The following ABLIM2 variants were observed in gnomAD, a reference collection of about 807,000 sequenced individuals.
ABLIM2 encodes actin binding LIM protein family member 2, also known as actin-binding LIM protein 2.
A neutral mutation model predicts 97.7 loss-of-function variants in ABLIM2; 53 were observed. That is an observed-to-expected ratio of 0.54 (90% CI 0.44 to 0.68). The LOEUF is 0.68. Among genes scored for constraint, ABLIM2 ranks in the 30% least tolerant of loss-of-function variants. ABLIM2 has a pLI of 0.00. For missense variants in ABLIM2, 835 were observed against 867.2 expected (o/e 0.96, Z 0.47); for synonymous variants, 361 against 345.8 (o/e 1.04, Z -0.49).
In ABLIM2 at chr4:7,992,546, G is replaced by A. The variant is rs75971568; in HGVS notation, c.1680+320C>T. 0.013 allele frequency among the ~76,000 whole-genome samples: 1,982 copies of A among 152,192 alleles called. 20 individuals are homozygous for A. The highest frequency in any genetic ancestry group is 0.026 in the Admixed American group (395 of 15,304). On this transcript the variant is annotated intron_variant, in intron 17 of 20. Coordinates refer to ENST00000447017, the MANE Select transcript of ABLIM2 (RefSeq NM_001130083.2). The surrounding 1 kb of genome is among the most constrained non-coding windows in gnomAD (Gnocchi z 5.7). Reference sequence around the variant, plus strand: ...CTCTGTGCCATAGGAGGACGAAGACGGTTAGGAGGGGCATCTTGGAGCTGC... The same window carrying A: ...CTCTGTGCCATAGGAGGACGAAGACAGTTAGGAGGGGCATCTTGGAGCTGC...
chr4:8,095,058 T>C lies in ABLIM2; in HGVS notation c.338+2041A>G, dbSNP rs201887588. On this transcript the variant is annotated intron_variant, in intron 3 of 20. Coordinates refer to ENST00000447017, the MANE Select transcript of ABLIM2 (RefSeq NM_001130083.2). The surrounding 1 kb of genome is among the most constrained non-coding windows in gnomAD (Gnocchi z 4.7). ...TTTCCTTCCTTCCTTCTTTCTTTCTTTCTCTTTCTTTCTTTCTCTCTCTCT... is the reference window on the plus strand; with the variant it reads ...TTTCCTTCCTTCCTTCTTTCTTTCTCTCTCTTTCTTTCTTTCTCTCTCTCT... 7.3e-6 allele frequency among the ~76,000 whole-genome samples: 1 copy of C among 136,352 alleles called. No individual in the cohort carries two copies. 89.5% of individuals were successfully genotyped at this position (136,352 alleles called of 152,430 possible).
chr4:8,003,561 CTTTTTTTTT>C lies in ABLIM2; in HGVS notation c.1618+4489_1618+4497del, dbSNP rs796877068. ...ACCACTACGCTCTTCTTCCAGTTTT[CTTTTTTTTT>C]TTTTTTTTTTTTGGAGATGGAGTCT... On this transcript the variant is annotated intron_variant, in intron 16 of 20. Transcript: ENST00000447017. The surrounding 1 kb of genome is among the most constrained non-coding windows in gnomAD (Gnocchi z 4.2). Among the ~76,000 whole-genome samples the C allele has an allele frequency of 8.3e-6, 1 of 120,200 alleles. No homozygotes were observed. The highest frequency in any genetic ancestry group is 3.0e-5 in the African/African-American group (1 of 33,028). 78.9% of individuals were successfully genotyped at this position (120,200 alleles called of 152,430 possible). A position where few individuals can be genotyped will look rare whatever the true frequency, so the allele number is the denominator to read the frequency against.
intron 1 of ABLIM2, among the ~76,000 whole-genome samples, chr4:8,131,882 G>A (rs1001878010): frequency 7.0e-6 from 1 of 142,092 alleles, no homozygotes. Flanking sequence ...ACAGCAGCCC[G>A]CATCCCCTGC....
chr4:8,138,141 A>G (rs948324450), intron 1 of ABLIM2, among the ~76,000 whole-genome samples: 11 of 152,012 alleles, frequency 7.2e-5, no homozygotes, highest in Non-Finnish European at 1.2e-4. Flanking sequence ...AAGGAATGGG[A>G]GTGACAGGGG....
chr4:8,071,971 C>T lies in ABLIM2; in HGVS notation c.675+5657G>A, dbSNP rs4696670. On this transcript the variant is annotated intron_variant, in intron 6 of 20. Transcript: ENST00000447017. This position sits in a 1 kb window ranked among gnomAD's most constrained non-coding sequence, Gnocchi z 6.2. ...GCATCAGGCAGTGCCACCGCGGCGG[C>T]GGCAGCTCCCCTTCTGCGGAGCCAG... is the stretch of plus-strand genomic sequence containing the variant. 2.2e-5 allele frequency: 22 copies of T among 985,506 alleles called. No individual in the cohort carries two copies. The East Asian group carries it at 4.6e-4, about 20-fold the overall frequency. 61.0% of individuals were successfully genotyped at this position (985,506 alleles called of 1,614,324 possible).
intron 1 of ABLIM2, among the ~76,000 whole-genome samples, chr4:8,135,539 GAC>G (rs1850063193): frequency 6.6e-6 from 1 of 152,208 alleles, no homozygotes; most frequent in Admixed American, 6.5e-5. Context: ...TGAGTGTGAG[GAC>G]ACAGTGAGAA....
At position 8,061,101 on chromosome 4, in the gene ABLIM2, G is replaced by A. The variant is rs369430094; in HGVS notation, c.676-47C>T. The A allele has an allele frequency of 1.6e-4, 240 of 1,525,942 alleles. No individual in the cohort carries two copies. Among genetic ancestry groups the A allele is most frequent in the Non-Finnish European group, 2.0e-4 (228 of 1,124,502 alleles). The allele number at this position is 1,525,942 out of a possible 1,614,324, so 94.5% of individuals were successfully genotyped here. On this transcript the variant is annotated intron_variant, in intron 6 of 20. Transcript: ENST00000447017. The surrounding 1 kb of genome is among the most constrained non-coding windows in gnomAD (Gnocchi z 4.5). The stretch of plus-strand genomic sequence containing the variant: ...GAATGTTTCTACTAAAGCCAGAAAG[G>A]TCGGCTGGGTCCCAGCGCCCGGCAT...
chr4:8,019,474 T>A lies in ABLIM2; in HGVS notation c.1423+144A>T. On this transcript the variant is annotated intron_variant, in intron 14 of 20. Coordinates refer to ENST00000447017, the MANE Select transcript of ABLIM2 (RefSeq NM_001130083.2). The surrounding 1 kb of genome is among the most constrained non-coding windows in gnomAD (Gnocchi z 4.3). ...ACTCTCGGGAGGCTGCTAGTGAATT[T>A]GCATTTAATAGTCAGACTGCTAAGG... is the stretch of plus-strand genomic sequence containing the variant. The A allele has an allele frequency of 1.5e-6, 1 of 685,324 alleles. No homozygotes were observed. Among genetic ancestry groups the A allele is most frequent in the Non-Finnish European group, 2.4e-6 (1 of 421,510 alleles). The allele number at this position is 685,324 out of a possible 1,614,324, so 42.5% of individuals were successfully genotyped here. A position where few individuals can be genotyped will look rare whatever the true frequency, so the allele number is the denominator to read the frequency against.
At chr4:8,016,425 G>A (rs78765917) in intron 14 of ABLIM2, among the ~76,000 whole-genome samples, 2,198 of 152,236 alleles carry the variant, frequency 0.014, 71 homozygotes, top group African/African-American at 0.05. Flanking sequence ...CCGATATCAA[G>A]TGTCGTGTGT....
intron 7 of ABLIM2, among the ~76,000 whole-genome samples, chr4:8,060,278 G>A (rs750571243): frequency 8.5e-5 from 13 of 152,210 alleles, no homozygotes; most frequent in Non-Finnish European, 1.5e-4. Context: ...GGGAGGAGGA[G>A]AGACGACCAG....
chr4:8,101,263 G>A (rs1294206879), intron 2 of ABLIM2, among the ~76,000 whole-genome samples: 1 of 152,222 alleles, frequency 6.6e-6, no homozygotes, highest in East Asian at 1.9e-4. Flanking sequence ...GTGAATAACA[G>A]GGGGATGAGG....
chr4:8,003,973 A>T lies in ABLIM2; in HGVS notation c.1618+4086T>A, dbSNP rs1166359833. On this transcript the variant is annotated intron_variant, in intron 16 of 20. Coordinates refer to ENST00000447017, the MANE Select transcript of ABLIM2 (RefSeq NM_001130083.2). This position sits in a 1 kb window ranked among gnomAD's most constrained non-coding sequence, Gnocchi z 4.2. ...CCCACCAGATATCCTCACGAGATTGACAGTAGCACGTCAGGGAGGCTCTTC... is the reference window on the plus strand; with the variant it reads ...CCCACCAGATATCCTCACGAGATTGTCAGTAGCACGTCAGGGAGGCTCTTC... Among the ~76,000 whole-genome samples, 1 of 152,034 alleles carries T rather than the reference A, an allele frequency of 6.6e-6. No individual in the cohort carries two copies. The highest frequency in any genetic ancestry group is 1.5e-5 in the Non-Finnish European group (1 of 68,018).
chr4:8,091,363 ATT>A (rs1233785191), intron 3 of ABLIM2, among the ~76,000 whole-genome samples: 3 of 48,586 alleles, frequency 6.2e-5, no homozygotes, highest in African/African-American at 2.4e-4. Context: ...TTATATATAT[ATT>A]ATATTACATA....
In ABLIM2 at chr4:8,068,559, G is replaced by A. The variant is rs572679127; in HGVS notation, c.676-7505C>T. Among the ~76,000 whole-genome samples, 1 of 152,350 alleles carries A rather than the reference G, an allele frequency of 6.6e-6. No homozygotes were observed. The highest frequency in any genetic ancestry group is 1.9e-4 in the East Asian group (1 of 5,176). ...CCCCGTCTTTGGGCTTCTGGAGAAT[G>A]GATCAGCCCTCTCTGCCATGAGCCC... On this transcript the variant is annotated intron_variant, in intron 6 of 20. Coordinates refer to ENST00000447017, the MANE Select transcript of ABLIM2 (RefSeq NM_001130083.2). This position sits in a 1 kb window ranked among gnomAD's most constrained non-coding sequence, Gnocchi z 4.5.
rs1395512127 is a variant in ABLIM2 at position 8,069,244 on chromosome 4, C to T, written c.676-8190G>A. On this transcript the variant is annotated intron_variant, in intron 6 of 20. Coordinates refer to ENST00000447017, the MANE Select transcript of ABLIM2 (RefSeq NM_001130083.2). The surrounding 1 kb of genome is among the most constrained non-coding windows in gnomAD (Gnocchi z 4.2). ...CCAGCAGTGGCACTGGCAGACGAGC[C>T]GTCCAGTGGGGACGTTCTGAACAAG... is the stretch of plus-strand genomic sequence containing the variant. 2.0e-5 allele frequency among the ~76,000 whole-genome samples: 3 copies of T among 152,376 alleles called. No individual in the cohort carries two copies. The highest frequency in any genetic ancestry group is 3.9e-4 in the East Asian group (2 of 5,186).
Position 8,019,723 on chromosome 4 carries a change from T to G in ABLIM2, c.1370-52A>C. On this transcript the variant is annotated intron_variant, in intron 13 of 20. Coordinates refer to ENST00000447017, the MANE Select transcript of ABLIM2 (RefSeq NM_001130083.2). The surrounding 1 kb of genome is among the most constrained non-coding windows in gnomAD (Gnocchi z 4.3). ...AGAGAACAGGAGGGTAAGCAGCAAGTTGTGATGGTTTCTGTTCTACAGCTT... is the reference window on the plus strand; with the variant it reads ...AGAGAACAGGAGGGTAAGCAGCAAGGTGTGATGGTTTCTGTTCTACAGCTT... 6.6e-7 allele frequency: 1 copy of G among 1,520,996 alleles called. No homozygotes were observed. The highest frequency in any genetic ancestry group is 1.1e-5 in the South Asian group (1 of 87,998). The allele number at this position is 1,520,996 out of a possible 1,614,324, so 94.2% of individuals were successfully genotyped here. A position where few individuals can be genotyped will look rare whatever the true frequency, so the allele number is the denominator to read the frequency against.
rs971220269 is a variant in ABLIM2 at position 8,158,531 on chromosome 4, G to C, written c.10+149C>G. The C allele has an allele frequency of 8.3e-6, 8 of 965,370 alleles. No homozygotes were observed. In the East Asian group the frequency reaches 1.0e-4, roughly 12 times the overall value. 59.8% of individuals were successfully genotyped at this position (965,370 alleles called of 1,614,324 possible). On this transcript the variant is annotated intron_variant, in intron 1 of 20. Transcript: ENST00000447017. ...GCAGAGGGCTGCGCTCTGGCCCCTCGGGGCTGCAAAATCCTGGAGCAAAAG... is the reference window on the plus strand; with the variant it reads ...GCAGAGGGCTGCGCTCTGGCCCCTCCGGGCTGCAAAATCCTGGAGCAAAAG...
chr4:8,073,429 T>C (rs1577192384), intron 6 of ABLIM2, among the ~76,000 whole-genome samples: 1 of 150,454 alleles, frequency 6.6e-6, no homozygotes, highest in East Asian at 2.0e-4. Context: ...AAACGTGGCT[T>C]TGGACTGCCA....
Position 8,061,267 on chromosome 4 carries a change from G to A in ABLIM2, c.676-213C>T, listed in dbSNP as rs1168266011. On this transcript the variant is annotated intron_variant, in intron 6 of 20. Transcript: ENST00000447017. This position sits in a 1 kb window ranked among gnomAD's most constrained non-coding sequence, Gnocchi z 4.5. The stretch of plus-strand genomic sequence containing the variant: ...CAAGGCGCCCTGTGGGGAGGCAGGG[G>A]GAGACCTGGCTGCACTTGCCCAGCC... 1.3e-5 allele frequency among the ~76,000 whole-genome samples: 2 copies of A among 152,144 alleles called. No individual in the cohort carries two copies. The highest frequency in any genetic ancestry group is 2.9e-5 in the Non-Finnish European group (2 of 68,028).
Sources: allele counts gnomAD v4.1 joint callset (sites outside exome capture counted in the v4.1 genomes callset), GRCh38; gene constraint gnomAD v4.1.1; non-coding constraint Gnocchi (gnomAD v3.1); transcripts MANE v1.5; gene names NCBI Gene and HGNC (gene_info 2026-07-23, HGNC 2026-07-21).